Variants in NT5C3A observed in about 807,000 individuals in gnomAD.
NT5C3A encodes the protein 5'-nucleotidase, cytosolic IIIA.
Under a neutral mutation model 40.0 loss-of-function variants are expected in NT5C3A, and 23 were observed. The ratio of observed to expected loss-of-function variants is 0.58; its 90% CI spans 0.41 to 0.81. The LOEUF (loss-of-function observed/expected upper bound fraction) is 0.81. NT5C3A is among the 40% of genes least tolerant of loss of function. The pLI is 0.00. For missense variants in NT5C3A, 328 were observed against 403.0 expected, an observed-to-expected ratio of 0.81 and a Z score of 1.59; for synonymous variants, 130 against 141.4, an observed-to-expected ratio of 0.92 and a Z score of 0.57.
At chr7:33,026,355 A>AAAAAAAG (rs1167633737) in intron 2 of NT5C3A, among the ~76,000 whole-genome samples, 2 of 145,716 alleles carry the variant, frequency 1.4e-5, no homozygotes, top group African/African-American at 5.3e-5. Context: ...TCTCAAAAGA[A>AAAAAAAG]AAAAAAAAAA....
intron 1 of NT5C3A, among the ~76,000 whole-genome samples, chr7:33,028,851 C>A (rs556189862): frequency 6.6e-6 from 1 of 152,002 alleles, no homozygotes; most frequent in Non-Finnish European, 1.5e-5. Flanking sequence ...GTCAGGAGAT[C>A]GAGACCATCC....
intron 1 of NT5C3A, among the ~76,000 whole-genome samples, chr7:33,031,732 AC>A (rs2128002003): frequency 6.6e-6 from 1 of 152,332 alleles, no homozygotes; most frequent in South Asian, 2.1e-4. Context: ...TACAGAGAAA[AC>A]AATTCATATT....
chr7:33,060,042 C>A (rs991563195), intron 1 of NT5C3A, among the ~76,000 whole-genome samples: 1 of 152,178 alleles, frequency 6.6e-6, no homozygotes, highest in African/African-American at 2.4e-5. Context: ...GCCTCGACCA[C>A]CTTGACTGAA....
chr7:33,034,945 T>A (rs979820173), intron 1 of NT5C3A, among the ~76,000 whole-genome samples: 8 of 152,216 alleles, frequency 5.3e-5, no homozygotes, highest in Non-Finnish European at 1.0e-4. Context: ...TTTATCACTG[T>A]GAATATGGAG....
chr7:33,023,770 A>G, intron 3 of NT5C3A: 1 of 402,068 alleles, frequency 2.5e-6, no homozygotes, highest in Non-Finnish European at 4.5e-6. Context: ...ACCTATTTAA[A>G]TATTTCTTGA....
chr7:33,041,464 G>A (rs758096470), intron 1 of NT5C3A, among the ~76,000 whole-genome samples: 4 of 151,984 alleles, frequency 2.6e-5, no homozygotes, highest in African/African-American at 4.8e-5. Context: ...TAAATGGTAC[G>A]ATTTATATTA....
At chr7:33,049,256 C>A (rs113773488) in intron 1 of NT5C3A, among the ~76,000 whole-genome samples, 2 of 152,076 alleles carry the variant, frequency 1.3e-5, no homozygotes, top group African/African-American at 4.8e-5. Context: ...TAATATAATA[C>A]CCTGAAGTAA....
At chr7:33,058,105 T>C (rs1457968240) in intron 1 of NT5C3A, among the ~76,000 whole-genome samples, 1 of 152,160 alleles carries the variant, frequency 6.6e-6, no homozygotes, top group African/African-American at 2.4e-5. Flanking sequence ...AACTGAAAAT[T>C]TGCTGATAAA....
chr7:33,019,034 G>A (rs148501842), intron 6 of NT5C3A, among the ~76,000 whole-genome samples: 1,631 of 151,870 alleles, frequency 0.011, 75 homozygotes, highest in Admixed American at 0.07. Context: ...CTTTGGGATC[G>A]CTTGAGCTCA....
chr7:33,046,354 T>C (rs185826624), intron 1 of NT5C3A, among the ~76,000 whole-genome samples: 96 of 152,166 alleles, frequency 6.3e-4, no homozygotes, highest in African/African-American at 2.0e-3. Context: ...CTGGGCAACA[T>C]ACAGAGGCCC....
At chr7:33,021,026 G>A (rs1208649437) in intron 5 of NT5C3A, among the ~76,000 whole-genome samples, 1 of 152,034 alleles carries the variant, frequency 6.6e-6, no homozygotes, top group Non-Finnish European at 1.5e-5. Flanking sequence ...TTTTTAATTT[G>A]AGACTTAAAT....
At chr7:33,038,256 C>A (rs1338253849) in intron 1 of NT5C3A, among the ~76,000 whole-genome samples, 1 of 152,046 alleles carries the variant, frequency 6.6e-6, no homozygotes, top group Non-Finnish European at 1.5e-5. Context: ...GCAAACAATT[C>A]ACACAGTGAA....
At chr7:33,039,555 GTTTTTTGT>G (rs938743677) in intron 1 of NT5C3A, among the ~76,000 whole-genome samples, 4 of 70,018 alleles carry the variant, frequency 5.7e-5, no homozygotes, top group Admixed American at 2.2e-4. Flanking sequence ...TTAAGCTTGG[GTTTTTTGT>G]TTTTTTTTTT....
At chr7:33,035,322 C>A (rs368803987) in intron 1 of NT5C3A, among the ~76,000 whole-genome samples, 6 of 151,804 alleles carry the variant, frequency 4.0e-5, no homozygotes, top group African/African-American at 1.2e-4. Context: ...GCCTCCAGAG[C>A]AGCTGGGACT....
rs907246125 is a variant in NT5C3A at position 33,062,735 on chromosome 7, G to A, written c.-30C>T. ...GGGGCCCTCATGCGCGTCCAAGCAG[G>A]AAAAAAACAGGCAGCTCGCGTAGAC... On this transcript the variant is annotated 5_prime_UTR_variant, in exon 1 of 9. Transcript: ENST00000610140. 1 of 1,551,552 alleles carries A rather than the reference G, an allele frequency of 6.4e-7. No individual in the cohort carries two copies. Among genetic ancestry groups the A allele is most frequent in the South Asian group, 1.2e-5 (1 of 84,368 alleles).
chr7:33,030,746 A>T (rs549787100), intron 1 of NT5C3A, among the ~76,000 whole-genome samples: 1 of 152,174 alleles, frequency 6.6e-6, no homozygotes, highest in Non-Finnish European at 1.5e-5. Flanking sequence ...TTTATCCACA[A>T]CTCAATTGTT....
chr7:33,014,684 G>C lies in NT5C3A; in HGVS notation c.*46C>G, dbSNP rs767862637. Reference sequence around the variant, plus strand: ...TCTCAGCAAGATGAACGGATGAACAGTTCAATTGCACCCACAGGAGAGAGG... The same window carrying C: ...TCTCAGCAAGATGAACGGATGAACACTTCAATTGCACCCACAGGAGAGAGG... On this transcript the variant is annotated 3_prime_UTR_variant, in exon 9 of 9. Transcript: ENST00000610140. 3.6e-5 allele frequency: 58 copies of C among 1,606,038 alleles called. No homozygotes were observed. The highest frequency in any genetic ancestry group is 4.5e-4 in the Middle Eastern group (2 of 4,412).
At position 33,017,552 on chromosome 7, in the gene NT5C3A, C is replaced by T. The variant is rs751162264; in HGVS notation, c.580G>A (p.Val194Met). ...FDKLQQHSIPVFIFSAGIGDV... is the reference protein window; with the variant it reads ...FDKLQQHSIPMFIFSAGIGDV... ...CCGATTCCAGCCGAAAATATGAACA[C>T]GGGGATGCTATGTTGTTGGAGCTTA... Residue 194 changes from valine (V) to methionine (M), a missense_variant, in exon 7 of 9, where the codon GTG (valine) becomes ATG (methionine). Val to Met is a conservative substitution (Grantham distance 21). Coordinates refer to ENST00000610140, the MANE Select transcript of NT5C3A (RefSeq NM_001002010.5). 54 of 1,613,670 alleles carry T rather than the reference C, an allele frequency of 3.3e-5. No individual in the cohort carries two copies. The highest frequency in any genetic ancestry group is 4.2e-5 in the Non-Finnish European group (49 of 1,179,730).
intron 1 of NT5C3A, among the ~76,000 whole-genome samples, chr7:33,052,073 G>GTTTTA (rs1453459825): frequency 1.3e-5 from 2 of 152,088 alleles, no homozygotes; most frequent in Admixed American, 6.6e-5. Flanking sequence ...GTTTTGTTTT[G>GTTTTA]TTTTGTTTTG....
Sources: gnomAD v4.1 joint callset for allele counts (sites outside exome capture counted in the v4.1 genomes callset) on GRCh38, gnomAD v4.1.1 for gene constraint, MANE v1.5 for transcripts, NCBI Gene and HGNC (gene_info 2026-07-23, HGNC 2026-07-21) for gene names.